PPP1R16A: variants seen among roughly 807,000 people sequenced by gnomAD.
PPP1R16A encodes protein phosphatase 1 regulatory subunit 16A.
A neutral mutation model predicts 46.6 loss-of-function variants in PPP1R16A; 39 were observed. The observed-to-expected ratio is 0.84, with a 90% CI of 0.65 to 1.09. The LOEUF is 1.09. PPP1R16A is among the 50% of genes least tolerant of loss of function. The pLI, the probability that PPP1R16A is intolerant of heterozygous loss-of-function variation, is 0.00. For missense variants in PPP1R16A, 798 were observed against 735.6 expected (o/e 1.08, Z -0.98); for synonymous variants, 413 against 321.5 (o/e 1.28, Z -3.04).
chr8:144,483,213 C>T (rs578038233), intron 1 of PPP1R16A, among the ~76,000 whole-genome samples: 5 of 152,194 alleles, frequency 3.3e-5, no homozygotes, highest in Non-Finnish European at 2.9e-5. Context: ...CAGAACCAGG[C>T]AGTGTGTGTA....
rs1005478179 is a variant in PPP1R16A, at chr8:144,493,390, G to T, written c.-734-3071G>T. Among the ~76,000 whole-genome samples, 7 of 152,192 alleles carry T rather than the reference G, an allele frequency of 4.6e-5. No individual in the cohort carries two copies. The highest frequency in any genetic ancestry group is 4.6e-4 in the Admixed American group (7 of 15,284). On this transcript the variant is annotated intron_variant, in intron 2 of 11. Transcript: ENST00000435887. This position sits in a 1 kb window ranked among gnomAD's most constrained non-coding sequence, Gnocchi z 4.3. ...CCTGCCCAGCCCCCTCAGCCTGGGT[G>T]TGTCCATTTGGTGGGACTACGAGCT... is the stretch of plus-strand genomic sequence containing the variant.
chr8:144,487,075 C>T (rs908129594), intron 1 of PPP1R16A, among the ~76,000 whole-genome samples: 2 of 151,082 alleles, frequency 1.3e-5, no homozygotes, highest in African/African-American at 4.9e-5. Context: ...GCAACCTCCA[C>T]CTCCCAGATT....
intron 5 of PPP1R16A, 23 bp downstream of exon 5, chr8:144,499,084 G>A: frequency 6.4e-7 from 1 of 1,553,172 alleles, no homozygotes; most frequent in Non-Finnish European, 8.7e-7. Flanking sequence ...GGGCGTCCTT[G>A]GCAGGGAGAG....
chr8:144,501,976 G>T lies in PPP1R16A; in HGVS notation c.*73G>T. 1 of 1,410,586 alleles carries T rather than the reference G, an allele frequency of 7.1e-7. No individual in the cohort carries two copies. The highest frequency in any genetic ancestry group is 9.3e-7 in the Non-Finnish European group (1 of 1,074,580). 87.4% of individuals were successfully genotyped at this position (1,410,586 alleles called of 1,614,324 possible). On this transcript the variant is annotated 3_prime_UTR_variant, in exon 12 of 12. Coordinates refer to ENST00000435887, the MANE Select transcript of PPP1R16A (RefSeq NM_001329443.2). ...CTGCCTCCCCACGGTGCGTGCCCTGGTGCTGCGGGTGCAGCACGGAAACCC... is the reference window on the plus strand; with the variant it reads ...CTGCCTCCCCACGGTGCGTGCCCTGTTGCTGCGGGTGCAGCACGGAAACCC...
chr8:144,499,277 C>G (rs370792407), intron 5 of PPP1R16A: 1 of 607,556 alleles, frequency 1.6e-6, no homozygotes, highest in African/African-American at 1.8e-5. Context: ...CCCCAGCATT[C>G]GTCCTCCTGC....
chr8:144,499,151 G>C, intron 5 of PPP1R16A, 90 bp downstream of exon 5: 1 of 1,434,968 alleles, frequency 7.0e-7, no homozygotes, highest in Non-Finnish European at 9.2e-7. Context: ...TGTGGCTCTC[G>C]GCCTCCTGTG....
At chr8:144,501,393 G>A in intron 11 of PPP1R16A, 99 bp downstream of exon 11, 1 of 1,487,408 alleles carries the variant, frequency 6.7e-7, no homozygotes, top group East Asian at 2.5e-5. Context: ...GTCAGGAATG[G>A]TGCCCTGCAG....
chr8:144,500,467 G>C lies in PPP1R16A; in HGVS notation c.706-20G>C. ...GAGGTGGGGGATGGGGCCGAATTCA[G>C]GCCGGGCGCTTGCCTGCAGCTGCAC... On this transcript the variant is annotated intron_variant, in intron 7 of 11. Coordinates refer to ENST00000435887, the MANE Select transcript of PPP1R16A (RefSeq NM_001329443.2). The C allele has an allele frequency of 1.9e-6, 3 of 1,562,812 alleles. No individual in the cohort carries two copies. The highest frequency in any genetic ancestry group is 2.6e-6 in the Non-Finnish European group (3 of 1,162,754).
At chr8:144,497,584 G>GAAGAGACCAGGCAA in intron 3 of PPP1R16A, 131 bp downstream of exon 3, 2 of 1,346,408 alleles carry the variant, frequency 1.5e-6, no homozygotes, top group Non-Finnish European at 2.1e-6. Context: ...GATCTTGCCT[G>GAAGAGACCAGGCAA]GTCTCTTCAG....
At position 144,500,583 on chromosome 8, in the gene PPP1R16A, C is replaced by T; in HGVS notation, c.802C>T (p.Pro268Ser). 6.3e-7 allele frequency: 1 copy of T among 1,598,952 alleles called. No homozygotes were observed. Among genetic ancestry groups the T allele is most frequent in the Non-Finnish European group, 8.5e-7 (1 of 1,179,040 alleles). The change falls in exon 8 of 12, where the codon CCG (proline) becomes TCG (serine). Residue 268 changes from proline (P) to serine (S), a missense_variant. Transcript: ENST00000435887. ...CGCTAAGGACCAAGACGGCTGGGAG[C>T]CGCTGCACGCCGCGGCCTACTGGGG... ...LSAKDQDGWE[P>S]LHAAAYWGQV...
chr8:144,482,006 T>G (rs1434210575), intron 1 of PPP1R16A, among the ~76,000 whole-genome samples: 1 of 4,630 alleles, frequency 2.2e-4, no homozygotes, highest in African/African-American at 8.3e-4. Flanking sequence ...CTCGAACTCC[T>G]GACCTCGTAT....
chr8:144,499,295 G>C (rs1011170296), intron 5 of PPP1R16A: 4 of 571,712 alleles, frequency 7.0e-6, no homozygotes, highest in Non-Finnish European at 1.2e-5. Flanking sequence ...TGCCGAGAGG[G>C]CAGGCCTCGG....
At chr8:144,498,705 G>A (rs571038931) in intron 3 of PPP1R16A, 65 bp from the exon 4 acceptor site, 229 of 1,483,588 alleles carry the variant, frequency 1.5e-4, no homozygotes, top group African/African-American at 3.6e-4. Context: ...GTCCTGGGCC[G>A]AAGCACAGTT....
intron 2 of PPP1R16A, among the ~76,000 whole-genome samples, chr8:144,492,333 A>AC (rs1422858704): frequency 2.2e-4 from 27 of 122,268 alleles, no homozygotes; most frequent in South Asian, 2.8e-4. Flanking sequence ...CAAAAGGTGT[A>AC]CTTTTTTTTT....
chr8:144,497,602 G>T, intron 3 of PPP1R16A, 149 bp downstream of exon 3: 1 of 1,163,292 alleles, frequency 8.6e-7, no homozygotes, highest in Non-Finnish European at 1.2e-6. Context: ...CAGGCTGGGT[G>T]GCCCAGGGTG....
In PPP1R16A at chr8:144,501,305, C is replaced by A. The variant is rs753824118; in HGVS notation, c.1203+11C>A. On this transcript the variant is annotated intron_variant, in intron 11 of 11. Transcript: ENST00000435887. ...CCGCCGCCCCCGGAGGTGAGCGCCC[C>A]GTCCCTGCTCCGCCCAGCGCAGGGG... 1.3e-6 allele frequency: 2 copies of A among 1,566,766 alleles called. No individual in the cohort carries two copies. Among genetic ancestry groups the A allele is most frequent in the South Asian group, 1.1e-5 (1 of 87,290 alleles).
intron 2 of PPP1R16A, among the ~76,000 whole-genome samples, chr8:144,492,649 T>C (rs1471098029): frequency 6.6e-6 from 1 of 152,088 alleles, no homozygotes; most frequent in Non-Finnish European, 1.5e-5. Flanking sequence ...ATTTTAAGTT[T>C]GGAGGTGCAC....
At chr8:144,489,511 G>T (rs1825731011) in intron 1 of PPP1R16A, among the ~76,000 whole-genome samples, 1 of 152,068 alleles carries the variant, frequency 6.6e-6, no homozygotes, top group East Asian at 1.9e-4. Context: ...CCCCTAAACT[G>T]CTGCTTCCTT....
chr8:144,489,018 A>G (rs1825707860), intron 1 of PPP1R16A, among the ~76,000 whole-genome samples: 1 of 151,386 alleles, frequency 6.6e-6, no homozygotes, highest in African/African-American at 2.4e-5. Context: ...AGCCTTGCCA[A>G]CATGGTGAAA....
Sources: gnomAD v4.1 joint callset for allele counts (sites outside exome capture counted in the v4.1 genomes callset) on GRCh38, gnomAD v4.1.1 for gene constraint, Gnocchi (gnomAD v3.1) non-coding constraint, MANE v1.5 for transcripts, NCBI Gene and HGNC (gene_info 2026-07-23, HGNC 2026-07-21) for gene names.